Variants in CPNE9 observed in about 807,000 individuals in gnomAD.
The protein encoded by CPNE9 is copine-9.
Under a neutral mutation model 83.0 loss-of-function variants are expected in CPNE9, and 59 were observed. The observed-to-expected ratio is 0.71, with a 90% CI of 0.58 to 0.88. The LOEUF (loss-of-function observed/expected upper bound fraction) is 0.88. Ranked by LOEUF, CPNE9 falls within the 40% of genes least tolerant of loss-of-function variation. The probability of loss-of-function intolerance (pLI) is 0.00; values close to 1 mark genes in which losing one functional copy is unlikely to be tolerated. For synonymous variants in CPNE9, 256 were observed against 273.4 expected (o/e 0.94, Z 0.63); for missense variants, 619 against 720.8 (o/e 0.86, Z 1.62).
intron 4 of CPNE9, 110 bp downstream of exon 4, chr3:9,705,104 C>A: frequency 1.2e-6 from 1 of 812,652 alleles, no homozygotes; most frequent in South Asian, 1.5e-5. Context: ...TCTCGCAGGC[C>A]TCCCTCCCAT....
chr3:9,726,759 A>T, intron 19 of CPNE9, 37 bp downstream of exon 19: 1 of 1,591,540 alleles, frequency 6.3e-7, no homozygotes, highest in Non-Finnish European at 8.6e-7. Context: ...GGGACTAAGA[A>T]CTAAGGAGAA....
At chr3:9,716,677 G>A (rs1001431914) in intron 14 of CPNE9, among the ~76,000 whole-genome samples, 1 of 152,154 alleles carries the variant, frequency 6.6e-6, no homozygotes, top group African/African-American at 2.4e-5. Flanking sequence ...TCCCCATGTT[G>A]GTCAGGCTGG....
intron 7 of CPNE9, among the ~76,000 whole-genome samples, chr3:9,711,460 G>T (rs1455629858): frequency 1.3e-5 from 2 of 151,860 alleles, no homozygotes; most frequent in Non-Finnish European, 2.9e-5. Flanking sequence ...CAGGTGATCC[G>T]CCCGCCTAGG....
At chr3:9,713,801 G>A (rs1001263843) in intron 10 of CPNE9, among the ~76,000 whole-genome samples, 2 of 152,160 alleles carry the variant, frequency 1.3e-5, no homozygotes, top group Admixed American at 6.5e-5. Flanking sequence ...GCCGGGCGCG[G>A]TGGCTCACAC....
chr3:9,705,489 A>T lies in CPNE9; in HGVS notation c.286A>T (p.Ile96Phe). The stretch of plus-strand genomic sequence containing the variant: ...GTACAACGTGGACTCCAAAACCAAC[A>T]TCTCCAAACCGGTGAGCAAACGTTT... The part of the protein sequence containing the change: ...DVYNVDSKTN[I>F]SKPKDFLGQA... The change falls in exon 5 of 21, where the codon ATC becomes TTC. Residue 96 changes from isoleucine (I) to phenylalanine (F), a missense_variant. By Grantham distance (21) the Ile-to-Phe change is conservative (BLOSUM62 0). Transcript: ENST00000383832. 1 of 1,584,504 alleles carries T rather than the reference A, an allele frequency of 6.3e-7. No homozygotes were observed. The highest frequency in any genetic ancestry group is 8.6e-7 in the Non-Finnish European group (1 of 1,165,498).
chr3:9,729,824 C>T lies in CPNE9; in HGVS notation c.*132C>T, dbSNP rs927803176. 3 of 1,316,838 alleles carry T rather than the reference C, an allele frequency of 2.3e-6. No individual in the cohort carries two copies. Among genetic ancestry groups the T allele is most frequent in the Non-Finnish European group, 1.0e-6 (1 of 994,680 alleles). 81.6% of individuals were successfully genotyped at this position (1,316,838 alleles called of 1,614,324 possible). A position where few individuals can be genotyped will look rare whatever the true frequency, so the allele number is the denominator to read the frequency against. On this transcript the variant is annotated 3_prime_UTR_variant, in exon 21 of 21. Transcript: ENST00000383832. The stretch of plus-strand genomic sequence containing the variant: ...TGGAGGATCAGTGCTGGCTGACAAG[C>T]CCTCCGCCTCCTTGCCTGCAGAGGG...
chr3:9,714,767 C>A, intron 10 of CPNE9, 147 bp from the exon 11 acceptor site: 1 of 617,658 alleles, frequency 1.6e-6, no homozygotes, highest in Non-Finnish European at 2.9e-6. Flanking sequence ...AATGAATAGA[C>A]AGGATGGGAG....
Position 9,704,151 on chromosome 3 carries a change from AC to A in CPNE9, c.68+92del. On this transcript the variant is annotated intron_variant, in intron 1 of 20. Coordinates refer to ENST00000383832, the MANE Select transcript of CPNE9 (RefSeq NM_153635.3). The surrounding 1 kb of genome is among the most constrained non-coding windows in gnomAD (Gnocchi z 7.1). ...GGGGCTCAGCCTGGGCAGGGGCTAG[AC>A]CCCCGGGGAGAGGCGAAATTGGCTG... The A allele has an allele frequency of 7.7e-7, 1 of 1,294,010 alleles. No homozygotes were observed. 80.2% of individuals were successfully genotyped at this position (1,294,010 alleles called of 1,614,324 possible). A position where few individuals can be genotyped will look rare whatever the true frequency, so the allele number is the denominator to read the frequency against.
At chr3:9,712,680 T>C in intron 8 of CPNE9, 45 bp from the exon 9 acceptor site, 1 of 1,607,456 alleles carries the variant, frequency 6.2e-7, no homozygotes, top group Non-Finnish European at 8.5e-7. Flanking sequence ...GTCTGAAGGC[T>C]ATGGACAATT....
chr3:9,708,757 G>C (rs866152628), intron 7 of CPNE9, among the ~76,000 whole-genome samples: 18 of 151,664 alleles, frequency 1.2e-4, no homozygotes, highest in African/African-American at 3.9e-4. Context: ...CTCAGCCTCC[G>C]GAGTAGCTGG....
intron 7 of CPNE9, among the ~76,000 whole-genome samples, chr3:9,708,350 G>A (rs780674865): frequency 1.3e-5 from 2 of 152,162 alleles, no homozygotes; most frequent in Non-Finnish European, 2.9e-5. Context: ...GAGAGAGAGA[G>A]AACCAAAGGC....
In CPNE9 at chr3:9,705,009, G is replaced by A; in HGVS notation, c.260+15G>A. 6 of 1,587,322 alleles carry A rather than the reference G, an allele frequency of 3.8e-6. No homozygotes were observed. Among genetic ancestry groups the A allele is most frequent in the African/African-American group, 1.3e-5 (1 of 74,470 alleles). On this transcript the variant is annotated intron_variant, in intron 4 of 20. Transcript: ENST00000383832. ...CGCTTCGATGTGTGAGGCCCCGCCT[G>A]GAATTCTGGCTTGGCCCGCCCCCGA... is the stretch of plus-strand genomic sequence containing the variant.
chr3:9,725,763 A>C (rs1175759967), intron 17 of CPNE9, among the ~76,000 whole-genome samples, 186 bp from the exon 18 acceptor site: 7 of 150,828 alleles, frequency 4.6e-5, no homozygotes, highest in South Asian at 2.1e-4. Context: ...GTGTGTATAT[A>C]TATGGATATA....
At chr3:9,720,697 A>C (rs2076726523) in intron 17 of CPNE9, among the ~76,000 whole-genome samples, 1 of 152,046 alleles carries the variant, frequency 6.6e-6, no homozygotes, top group Non-Finnish European at 1.5e-5. Context: ...TTTTTTCACT[A>C]ATACTGGAAC....
At chr3:9,722,908 ACCAC>A (rs2125474118) in intron 17 of CPNE9, among the ~76,000 whole-genome samples, 1 of 151,174 alleles carries the variant, frequency 6.6e-6, no homozygotes, top group African/African-American at 2.4e-5. Context: ...CACCACCATC[ACCAC>A]CTGGCTAAAC....
chr3:9,721,948 T>G (rs561237075), intron 17 of CPNE9, among the ~76,000 whole-genome samples: 224 of 151,930 alleles, frequency 1.5e-3, no homozygotes, highest in Non-Finnish European at 2.8e-3. Flanking sequence ...AGATGGAGTC[T>G]TACTCTGTCA....
chr3:9,718,816 T>A (rs2125471330), intron 17 of CPNE9, among the ~76,000 whole-genome samples: 1 of 150,248 alleles, frequency 6.7e-6, no homozygotes, highest in South Asian at 2.1e-4. Context: ...ACTTAGGCAA[T>A]TTAGTGAGAC....
intron 10 of CPNE9, 140 bp from the exon 11 acceptor site, chr3:9,714,774 G>C (rs1386350979): frequency 4.4e-6 from 3 of 677,108 alleles, no homozygotes; most frequent in Non-Finnish European, 7.7e-6. Flanking sequence ...AGACAGGATG[G>C]GAGGCAGGTT....
At position 9,706,114 on chromosome 3, in the gene CPNE9, TC is replaced by T. The variant is rs550223484; in HGVS notation, c.377+54del. On this transcript the variant is annotated intron_variant, in intron 7 of 20. Coordinates refer to ENST00000383832, the MANE Select transcript of CPNE9 (RefSeq NM_153635.3). ...GAGTGGGGTGGGGGCTTCCAAATTC[TC>T]CCTCCCAAGGATGCCGCTGACTGAT... The T allele has an allele frequency of 2.1e-3, 3,257 of 1,568,970 alleles. 15 individuals are homozygous for T. The highest frequency in any genetic ancestry group is 9.3e-3 in the Middle Eastern group (55 of 5,936).
Sources: gnomAD v4.1 joint callset for allele counts (sites outside exome capture counted in the v4.1 genomes callset) on GRCh38, gnomAD v4.1.1 for gene constraint, Gnocchi (gnomAD v3.1) non-coding constraint, MANE v1.5 for transcripts, NCBI Gene and HGNC (gene_info 2026-07-23, HGNC 2026-07-21) for gene names.